The following RAD51 variants were observed in gnomAD, a reference collection of about 807,000 sequenced individuals.
The protein encoded by RAD51 is DNA repair protein RAD51 homolog 1.
In RAD51, 14 loss-of-function variants were observed where a neutral mutation model predicts 41.5. The observed-to-expected ratio is 0.34, with a 90% CI of 0.22 to 0.53. The LOEUF is 0.53. Ranked by LOEUF, RAD51 falls within the 20% of genes least tolerant of loss-of-function variation. The pLI is 0.95. For synonymous variants in RAD51, 136 were observed against 148.6 expected, an observed-to-expected ratio of 0.92 and a Z score of 0.62; for missense variants, 234 against 422.0, an observed-to-expected ratio of 0.55 and a Z score of 3.90.
At chr15:40,700,209 A>C (rs2141817334) in intron 2 of RAD51, among the ~76,000 whole-genome samples, 1 of 152,308 alleles carries the variant, frequency 6.6e-6, no homozygotes, top group South Asian at 2.1e-4. Flanking sequence ...CCCAGAAGTC[A>C]TGGTTTTGGT....
At position 40,700,924 on chromosome 15, in the gene RAD51, C is replaced by A. The variant is rs369391233; in HGVS notation, c.88-140C>A. The A allele has an allele frequency of 7.8e-6, 6 of 769,044 alleles. No individual in the cohort carries two copies. The East Asian group carries it at 1.3e-4, about 17-fold the overall frequency. The allele number at this position is 769,044 out of a possible 1,614,324, so 47.6% of individuals were successfully genotyped here. ...GGTCCTGGAACCAACTTCCCATCTC[C>A]CCCCGCCCCCCCAAGGATTTCAAGG... On this transcript the variant is annotated intron_variant, in intron 2 of 9. Transcript: ENST00000267868.
chr15:40,702,653 G>C lies in RAD51; in HGVS notation c.225+1452G>C, dbSNP rs561935363. Among the ~76,000 whole-genome samples the C allele has an allele frequency of 1.2e-4, 18 of 152,002 alleles. No individual in the cohort carries two copies. The South Asian group carries it at 3.5e-3, about 30-fold the overall frequency. ...GTGCCTCAGCCTCCCAAGTAGCTGG[G>C]ATTACAGGCTCCCACCACCACACGT... On this transcript the variant is annotated intron_variant, in intron 3 of 9. Coordinates refer to ENST00000267868, the MANE Select transcript of RAD51 (RefSeq NM_002875.5).
intron 5 of RAD51, among the ~76,000 whole-genome samples, chr15:40,716,352 A>C (rs576048102): frequency 6.6e-6 from 1 of 152,062 alleles, no homozygotes; most frequent in Non-Finnish European, 1.5e-5. Flanking sequence ...AAGAGCTTTC[A>C]GTTTTTTCTC....
At chr15:40,702,288 TG>T (rs1036332086) in intron 3 of RAD51, among the ~76,000 whole-genome samples, 24 of 152,270 alleles carry the variant, frequency 1.6e-4, no homozygotes, top group African/African-American at 5.8e-4. Flanking sequence ...TTTCGCTTTT[TG>T]GGTATCAGTT....
chr15:40,724,674 CTTTTTTT>C lies in RAD51; in HGVS notation c.531-4020_531-4014del, dbSNP rs869156620. On this transcript the variant is annotated intron_variant, in intron 6 of 9. Transcript: ENST00000267868. Reference sequence around the variant, plus strand: ...CCAAGCCCAGCTAATTTTTTTATTTCTTTTTTTTTTTTTTTTTTTTTTTGAGACAGAG... The same window carrying C: ...CCAAGCCCAGCTAATTTTTTTATTTCTTTTTTTTTTTTTTTTGAGACAGAG... Among the ~76,000 whole-genome samples, 615 of 94,342 alleles carry C rather than the reference CTTTTTTT, an allele frequency of 6.5e-3. 4 individuals are homozygous for C. Among genetic ancestry groups the C allele is most frequent in the African/African-American group, 0.025 (573 of 22,498 alleles). 61.9% of individuals were successfully genotyped at this position (94,342 alleles called of 152,430 possible). A position where few individuals can be genotyped will look rare whatever the true frequency, so the allele number is the denominator to read the frequency against.
intron 1 of RAD51, 144 bp from the exon 2 acceptor site, chr15:40,698,613 A>G: frequency 1.4e-6 from 1 of 737,572 alleles, no homozygotes; most frequent in South Asian, 1.6e-5. Flanking sequence ...AGGAATATAA[A>G]GCAGGAGAAC....
At chr15:40,718,525 A>AG (rs1896101269) in intron 5 of RAD51, among the ~76,000 whole-genome samples, 1 of 152,126 alleles carries the variant, frequency 6.6e-6, no homozygotes, top group Non-Finnish European at 1.5e-5. Flanking sequence ...AGAAAAAAAA[A>AG]AAAAAGAAGA....
chr15:40,721,580 T>G (rs1334061076), intron 6 of RAD51, among the ~76,000 whole-genome samples: 1 of 152,126 alleles, frequency 6.6e-6, no homozygotes, highest in African/African-American at 2.4e-5. Context: ...TGGCCTCAGG[T>G]GATCATCCCT....
At chr15:40,719,162 A>C (rs914483506) in intron 6 of RAD51, among the ~76,000 whole-genome samples, 28 of 151,388 alleles carry the variant, frequency 1.8e-4, no homozygotes, top group Non-Finnish European at 3.8e-4. Context: ...GGTTCAAGCA[A>C]CTCTCCCACC....
intron 5 of RAD51, among the ~76,000 whole-genome samples, chr15:40,710,680 C>T (rs1895662640): frequency 6.6e-6 from 1 of 152,094 alleles, no homozygotes; most frequent in South Asian, 2.1e-4. Context: ...GAACTTTATG[C>T]TCCTCTTCAA....
At chr15:40,706,561 T>C (rs922631849) in intron 4 of RAD51, among the ~76,000 whole-genome samples, 16 of 152,258 alleles carry the variant, frequency 1.1e-4, no homozygotes, top group African/African-American at 3.6e-4. Flanking sequence ...TGGTGGCACA[T>C]GCCTGTAATC....
intron 5 of RAD51, among the ~76,000 whole-genome samples, chr15:40,712,971 C>T (rs1384665576): frequency 1.3e-5 from 2 of 149,044 alleles, no homozygotes; most frequent in South Asian, 2.1e-4. Context: ...CTCTGCCTCC[C>T]AGGTTCAAGC....
chr15:40,718,959 A>G (rs1896124938), intron 6 of RAD51, 60 bp downstream of exon 6: 9 of 1,485,470 alleles, frequency 6.1e-6, no homozygotes, highest in Non-Finnish European at 8.5e-6. Flanking sequence ...AGTGATTGCC[A>G]GGGTTAGTTT....
intron 6 of RAD51, among the ~76,000 whole-genome samples, chr15:40,725,025 C>G (rs1028031583): frequency 1.3e-5 from 2 of 150,956 alleles, no homozygotes; most frequent in East Asian, 1.9e-4. Context: ...TCAGCCTCCC[C>G]AGTAGCTGGG....
chr15:40,719,033 A>G, intron 6 of RAD51, 134 bp downstream of exon 6: 4 of 790,388 alleles, frequency 5.1e-6, no homozygotes, highest in East Asian at 5.4e-5. Flanking sequence ...CAAAAGAATG[A>G]CTTCCTTAGT....
chr15:40,698,269 A>T (rs1482151840), intron 1 of RAD51, among the ~76,000 whole-genome samples: 11 of 150,252 alleles, frequency 7.3e-5, no homozygotes, highest in African/African-American at 2.5e-4. Flanking sequence ...GCTCACTGCG[A>T]TCTCTGTCTT....
intron 6 of RAD51, among the ~76,000 whole-genome samples, chr15:40,720,500 G>A (rs1896216344): frequency 6.6e-6 from 1 of 151,926 alleles, no homozygotes; most frequent in East Asian, 1.9e-4. Flanking sequence ...AGTCAGACAA[G>A]CAGATGAAAT....
chr15:40,710,013 T>C (rs1054757803), intron 5 of RAD51, among the ~76,000 whole-genome samples: 2 of 151,568 alleles, frequency 1.3e-5, no homozygotes, highest in Non-Finnish European at 2.9e-5. Context: ...GAGGCCGAGG[T>C]GGGCGGATCA....
Position 40,707,829 on chromosome 15 carries a change from T to A in RAD51, c.344-1196T>A, listed in dbSNP as rs147498799. Among the ~76,000 whole-genome samples, 823 of 152,218 alleles carry A rather than the reference T, an allele frequency of 5.4e-3. 7 individuals carry two copies. Among genetic ancestry groups the A allele is most frequent in the African/African-American group, 0.019 (794 of 41,526 alleles). ...GACTCCCAGGTTTGAGCAGTTCTCC[T>A]GCCTCAGTCTCCTGAGTAGCTGCAA... On this transcript the variant is annotated intron_variant, in intron 4 of 9. Transcript: ENST00000267868.
Sources: allele counts gnomAD v4.1 joint callset (sites outside exome capture counted in the v4.1 genomes callset), GRCh38; gene constraint gnomAD v4.1.1; transcripts MANE v1.5; gene names NCBI Gene and HGNC (gene_info 2026-07-23, HGNC 2026-07-21).